Variants in RRAS2 observed in about 807,000 individuals in gnomAD.
The protein encoded by RRAS2 is RAS related 2, also known as ras-related protein R-Ras2.
RRAS2 carries 7 observed loss-of-function variants against 27.6 expected under a neutral mutation model. That is an observed-to-expected ratio of 0.25 (90% CI 0.14 to 0.48). The LOEUF (loss-of-function observed/expected upper bound fraction) is 0.48, where lower values mean the gene tolerates loss of function less well. Among genes scored for constraint, RRAS2 ranks in the 20% least tolerant of loss-of-function variants. RRAS2 has a pLI of 0.99. For missense variants in RRAS2, 178 were observed against 256.2 expected, an observed-to-expected ratio of 0.69 and a Z score of 2.08; for synonymous variants, 86 against 90.9, an observed-to-expected ratio of 0.95 and a Z score of 0.31.
upstream of RRAS2, among the ~76,000 whole-genome samples, chr11:14,362,421 T>TGCCAAAATGAGCTCTTTCCCTAAGAAA (rs564123003): frequency 0.022 from 3,404 of 152,132 alleles, 160 homozygotes; most frequent in African/African-American, 0.078. Context: ...AGACTTTCTA[T>TGCCAAAATGAGCTCTTTCCCTAAGAAA]GCCAAAATGA....
intron 1 of RRAS2, among the ~76,000 whole-genome samples, chr11:14,300,037 A>C (rs1374419963): frequency 6.6e-6 from 1 of 152,222 alleles, no homozygotes; most frequent in African/African-American, 2.4e-5. Context: ...AAGAGAAAAA[A>C]AGAGGAAAAA....
At chr11:14,288,375 C>G (rs1279231945) in intron 4 of RRAS2, among the ~76,000 whole-genome samples, 1 of 152,178 alleles carries the variant, frequency 6.6e-6, no homozygotes, top group Non-Finnish European at 1.5e-5. Context: ...AATCTCTAAC[C>G]ACATGCTTGT....
At chr11:14,338,821 A>G (rs966670420) in intron 1 of RRAS2, among the ~76,000 whole-genome samples, 2 of 150,372 alleles carry the variant, frequency 1.3e-5, no homozygotes, top group Admixed American at 6.6e-5. Context: ...CCAAATTCTG[A>G]TTTTTTTTTT....
intron 1 of RRAS2, among the ~76,000 whole-genome samples, chr11:14,315,357 TACACCTGTCATGAGAAGAAC>T (rs1848075955): frequency 6.6e-6 from 1 of 152,184 alleles, no homozygotes; most frequent in Admixed American, 6.5e-5. Context: ...CCCATAACCC[TACACCTGTCATGAGAAGAAC>T]ACTAGACACA....
chr11:14,293,510 C>T (rs563536663), intron 4 of RRAS2, among the ~76,000 whole-genome samples: 1 of 152,106 alleles, frequency 6.6e-6, no homozygotes, highest in South Asian at 2.1e-4. Context: ...CCATAACCCC[C>T]ACGTGTCATG....
intron 1 of RRAS2, among the ~76,000 whole-genome samples, chr11:14,350,933 C>A (rs1554954682): frequency 2.0e-5 from 3 of 152,154 alleles, no homozygotes; most frequent in African/African-American, 7.2e-5. Context: ...ATTGGATATT[C>A]CTACCACGTA....
rs528966139 is a variant in RRAS2, at chr11:14,351,623, G to A, written c.108+7140C>T. Among the ~76,000 whole-genome samples the A allele has an allele frequency of 3.3e-5, 5 of 152,146 alleles. No individual in the cohort carries two copies. In the South Asian group the frequency reaches 6.2e-4, roughly 19 times the overall value. ...CAAGCGCCTGTAATCCCAGCTACTC[G>A]GGAGGCTGAGGCAGGAGAATGGCTT... is the stretch of plus-strand genomic sequence containing the variant. On this transcript the variant is annotated intron_variant, in intron 1 of 5. Transcript: ENST00000256196.
In RRAS2 at chr11:14,328,571, T is replaced by G. The variant is rs370855763; in HGVS notation, c.108+30192A>C. 4.6e-5 allele frequency among the ~76,000 whole-genome samples: 7 copies of G among 151,544 alleles called. No individual in the cohort carries two copies. The East Asian group carries it at 9.6e-4, about 21-fold the overall frequency. On this transcript the variant is annotated intron_variant, in intron 1 of 5. Transcript: ENST00000256196. ...AATCAATGTAAAAGCTTAGAAACACTAGAAGAAAAACAGCTATAGTATGTA... is the reference window on the plus strand; with the variant it reads ...AATCAATGTAAAAGCTTAGAAACACGAGAAGAAAAACAGCTATAGTATGTA...
chr11:14,333,471 A>C (rs916859468), intron 1 of RRAS2, among the ~76,000 whole-genome samples: 6 of 152,178 alleles, frequency 3.9e-5, no homozygotes. Context: ...GAAAATCCAG[A>C]CACAGAAAAG....
Position 14,295,850 on chromosome 11 carries a change from A to T in RRAS2, c.114T>A (p.Tyr38Ter). The change falls in exon 2 of 6, where the codon TAT (tyrosine) becomes TAA (stop). Residue 38 changes from tyrosine to a stop codon, truncating the protein, a stop_gained. Transcript: ENST00000256196. LOFTEE classifies it high-confidence loss of function. ...TGGTTGGATCATAATCCGTTACAAA[A>T]TAGGACTGCAAGAAAAGAAAAAACT... ...SALTIQFIQS[Y>*]FVTDYDPTIE... is the part of the protein sequence containing the mutation. 2.5e-6 allele frequency: 4 copies of T among 1,612,692 alleles called. No homozygotes were observed. Among genetic ancestry groups the T allele is most frequent in the Non-Finnish European group, 3.4e-6 (4 of 1,179,512 alleles).
At chr11:14,297,126 C>T (rs1847575088) in intron 1 of RRAS2, among the ~76,000 whole-genome samples, 1 of 152,232 alleles carries the variant, frequency 6.6e-6, no homozygotes, top group African/African-American at 2.4e-5. Context: ...ACACCAACAT[C>T]ATCCTCCATT....
intron 4 of RRAS2, among the ~76,000 whole-genome samples, chr11:14,285,261 C>A (rs1046594579): frequency 2.0e-5 from 3 of 152,134 alleles, no homozygotes; most frequent in African/African-American, 4.8e-5. Context: ...AAGAATCTTA[C>A]AACAGAGCCA....
At chr11:14,326,912 T>A (rs1848370689) in intron 1 of RRAS2, among the ~76,000 whole-genome samples, 1 of 64,760 alleles carries the variant, frequency 1.5e-5, no homozygotes. Flanking sequence ...TACAAAAAAA[T>A]TAGCCGGGCG....
intron 5 of RRAS2, 43 bp from the exon 6 acceptor site, chr11:14,279,467 A>G: frequency 7.5e-7 from 1 of 1,340,492 alleles, no homozygotes; most frequent in Non-Finnish European, 1.1e-6. Flanking sequence ...CTTCTTGGTA[A>G]TCTACTATTA....
intron 1 of RRAS2, among the ~76,000 whole-genome samples, chr11:14,356,125 G>T (rs1849067600): frequency 6.6e-6 from 1 of 152,122 alleles, no homozygotes; most frequent in Non-Finnish European, 1.5e-5. Flanking sequence ...GAGAAGTTAA[G>T]TAACCTGCCT....
chr11:14,310,855 C>G (rs1163049605), intron 1 of RRAS2, among the ~76,000 whole-genome samples: 5 of 152,160 alleles, frequency 3.3e-5, no homozygotes, highest in South Asian at 2.1e-4. Context: ...CTAATTGTAA[C>G]CTATTGTGTG....
At chr11:14,289,972 G>A (rs576678009) in intron 4 of RRAS2, among the ~76,000 whole-genome samples, 5 of 152,210 alleles carry the variant, frequency 3.3e-5, no homozygotes, top group East Asian at 1.9e-4. Context: ...AAGCTGTGTC[G>A]GCAACAGAGA....
At chr11:14,291,459 GCAAT>G (rs1379045991) in intron 4 of RRAS2, among the ~76,000 whole-genome samples, 1 of 152,068 alleles carries the variant, frequency 6.6e-6, no homozygotes, top group Non-Finnish European at 1.5e-5. Flanking sequence ...AGAAAACTAA[GCAAT>G]CAGATTTCAG....
intron 4 of RRAS2, among the ~76,000 whole-genome samples, chr11:14,291,502 T>C (rs1051040257): frequency 6.6e-6 from 1 of 152,164 alleles, no homozygotes; most frequent in African/African-American, 2.4e-5. Context: ...TGGATATATA[T>C]ACATCTAAGC....
Sources: allele counts gnomAD v4.1 joint callset (sites outside exome capture counted in the v4.1 genomes callset), GRCh38; gene constraint gnomAD v4.1.1; transcripts MANE v1.5; gene names NCBI Gene and HGNC (gene_info 2026-07-23, HGNC 2026-07-21).